The following EGFR variants were observed in gnomAD, a reference collection of about 807,000 sequenced individuals.
EGFR encodes avian erythroblastic leukemia viral (v-erb-b) oncogene homolog.
EGFR carries 58 observed loss-of-function variants against 143.0 expected under a neutral mutation model. The ratio of observed to expected loss-of-function variants is 0.41; its 90% CI spans 0.33 to 0.50. The LOEUF (loss-of-function observed/expected upper bound fraction) is 0.50, where lower values mean the gene tolerates loss of function less well. Ranked by LOEUF, EGFR falls within the 20% of genes least tolerant of loss-of-function variation. The pLI, the probability that EGFR is intolerant of heterozygous loss-of-function variation, is 0.39. For synonymous variants in EGFR, 613 were observed against 594.4 expected (o/e 1.03, Z -0.45); for missense variants, 1,307 against 1,579.0 (o/e 0.83, Z 2.92).
At chr7:55,170,925 C>A in intron 15 of EGFR, 1 of 1,420,340 alleles carries the variant, frequency 7.0e-7, no homozygotes, top group Non-Finnish European at 9.2e-7. Flanking sequence ...AACAAACTGG[C>A]TGCTTTGTTC....
At chr7:55,113,629 G>A (rs930741766) in intron 1 of EGFR, among the ~76,000 whole-genome samples, 2 of 152,216 alleles carry the variant, frequency 1.3e-5, no homozygotes, top group Non-Finnish European at 2.9e-5. Flanking sequence ...ATCTCAATTA[G>A]ATTCACTATT....
rs914167859 is a variant in EGFR, at chr7:55,155,962, G to A, written c.1006+16G>A. 3 of 1,593,444 alleles carry A rather than the reference G, an allele frequency of 1.9e-6. No homozygotes were observed. The African/African-American group carries it at 4.0e-5, about 21-fold the overall frequency. On this transcript the variant is annotated intron_variant, in intron 8 of 27. Transcript: ENST00000275493. ...TGCCGCAAAGGTAGGAAGCCCGCCG[G>A]TGTGCGGACGAGGCTTGTTCTCGGC...
intron 1 of EGFR, among the ~76,000 whole-genome samples, chr7:55,114,831 G>T (rs956056994): frequency 1.3e-5 from 2 of 150,294 alleles, no homozygotes; most frequent in African/African-American, 4.9e-5. Flanking sequence ...TTGAGAGAAG[G>T]ACATTGTGTA....
chr7:55,205,959 G>T lies in EGFR; in HGVS notation c.*342G>T, dbSNP rs1318242911. On this transcript the variant is annotated 3_prime_UTR_variant, in exon 28 of 28. Coordinates refer to ENST00000275493, the MANE Select transcript of EGFR (RefSeq NM_005228.5). Reference sequence around the variant, plus strand: ...ATTGGGGATCTTGGAGTTTTTCATTGTCGCTATTGATTTTTACTTCAATGG... The same window carrying T: ...ATTGGGGATCTTGGAGTTTTTCATTTTCGCTATTGATTTTTACTTCAATGG... 9.7e-6 allele frequency: 4 copies of T among 413,860 alleles called. No individual in the cohort carries two copies. In the Admixed American group the frequency reaches 1.3e-4, roughly 13 times the overall value. 25.6% of individuals were successfully genotyped at this position (413,860 alleles called of 1,614,324 possible).
chr7:55,084,007 G>A (rs1790619308), intron 1 of EGFR, among the ~76,000 whole-genome samples: 2 of 152,194 alleles, frequency 1.3e-5, no homozygotes, highest in South Asian at 2.1e-4. Flanking sequence ...CAGGGTCAAG[G>A]CCAAATCAGT....
At chr7:55,061,309 C>T (rs777457932) in intron 1 of EGFR, among the ~76,000 whole-genome samples, 24 of 152,314 alleles carry the variant, frequency 1.6e-4, no homozygotes, top group Middle Eastern at 3.4e-3. Flanking sequence ...GGCCCACCCA[C>T]GAGAAGGAAA....
At chr7:55,188,663 G>GCTCGGACCCTGCGACCTCTGCTC (rs1418652241) in intron 20 of EGFR, among the ~76,000 whole-genome samples, 1 of 152,146 alleles carries the variant, frequency 6.6e-6, no homozygotes, top group African/African-American at 2.4e-5. Flanking sequence ...CTCGGACCCT[G>GCTCGGACCCTGCGACCTCTGCTC]GGAGCTCACA....
chr7:55,030,440 A>G (rs1288659485), intron 1 of EGFR, among the ~76,000 whole-genome samples: 1 of 152,214 alleles, frequency 6.6e-6, no homozygotes, highest in African/African-American at 2.4e-5. Context: ...ATAACTGCCC[A>G]TTCCATAAGA....
intron 1 of EGFR, among the ~76,000 whole-genome samples, chr7:55,135,552 G>T (rs918080905): frequency 2.0e-5 from 3 of 152,030 alleles, no homozygotes; most frequent in African/African-American, 7.2e-5. Context: ...CATAAAATTT[G>T]CTTTGTGAAT....
At chr7:55,153,217 AG>A (rs932843424) in intron 6 of EGFR, among the ~76,000 whole-genome samples, 13 of 152,182 alleles carry the variant, frequency 8.5e-5, no homozygotes, top group Admixed American at 3.9e-4. Flanking sequence ...CCTGCCCTCA[AG>A]GGGTCCTGAA....
chr7:55,136,438 C>G lies in EGFR; in HGVS notation c.89-5848C>G, dbSNP rs556815991. On this transcript the variant is annotated intron_variant, in intron 1 of 27. Coordinates refer to ENST00000275493, the MANE Select transcript of EGFR (RefSeq NM_005228.5). Reference sequence around the variant, plus strand: ...CACGGAAACGAGAAAGGCAGAGAAACCCAGGACAAGTCATCCAAGACTTTG... The same window carrying G: ...CACGGAAACGAGAAAGGCAGAGAAAGCCAGGACAAGTCATCCAAGACTTTG... Among the ~76,000 whole-genome samples the G allele has an allele frequency of 2.0e-5, 3 of 152,322 alleles. No homozygotes were observed. In the East Asian group the frequency reaches 5.8e-4, roughly 29 times the overall value.
Position 55,160,140 on chromosome 7 carries a change from G to T in EGFR, c.1300G>T (p.Gly434Cys), listed in dbSNP as rs2128941274. Reference protein sequence around the residue: ...EIIRGRTKQHGQFSLAVVSLN... With the variant: ...EIIRGRTKQHCQFSLAVVSLN... ...TGATTTTTCTTCTCTCCAATGTAGT[G>T]GTCAGTTTTCTCTTGCAGTCGTCAG... The change falls in exon 12 of 28, where the codon GGT becomes TGT. Residue 434 changes from glycine (G) to cysteine (C), a missense_variant and splice_region_variant. By Grantham distance (159) the Gly-to-Cys change is radical. This residue lies in a region of EGFR where 250 missense variants were observed against 295.1 expected (regional missense o/e 0.85). Transcript: ENST00000275493. 6.2e-7 allele frequency: 1 copy of T among 1,614,000 alleles called. No homozygotes were observed. The highest frequency in any genetic ancestry group is 1.1e-5 in the South Asian group (1 of 91,054).
Position 55,128,997 on chromosome 7 carries a change from A to C in EGFR, c.89-13289A>C, listed in dbSNP as rs571362353. ...TTCATGCATGCATTCCAGTAATTCAACAATTTTTATTTATCTTTTTATTGC... is the reference window on the plus strand; with the variant it reads ...TTCATGCATGCATTCCAGTAATTCACCAATTTTTATTTATCTTTTTATTGC... On this transcript the variant is annotated intron_variant, in intron 1 of 27. Coordinates refer to ENST00000275493, the MANE Select transcript of EGFR (RefSeq NM_005228.5). Among the ~76,000 whole-genome samples, 3 of 152,378 alleles carry C rather than the reference A, an allele frequency of 2.0e-5. No homozygotes were observed. In the East Asian group the frequency reaches 5.8e-4, roughly 29 times the overall value.
intron 1 of EGFR, among the ~76,000 whole-genome samples, chr7:55,037,719 A>G (rs1426872761): frequency 6.6e-6 from 1 of 152,240 alleles, no homozygotes; most frequent in Non-Finnish European, 1.5e-5. Flanking sequence ...ATAGTTGAAG[A>G]GATGTAATTT....
rs2128927319 is a variant in EGFR at position 55,143,377 on chromosome 7, C to A, written c.313C>A (p.Gln105Lys). The change falls in exon 3 of 28, where the codon CAG (glutamine) becomes AAG (lysine). Residue 105 changes from glutamine (Q) to lysine (K), a missense_variant. Physicochemically the swap from Gln to Lys is moderately conservative, Grantham distance 53. Around this residue, in one of 7 missense-constraint regions of EGFR, gnomAD observed 311 missense variants for 412.3 expected, o/e 0.75. Transcript: ENST00000275493. ...TVERIPLENLQIIRGNMYYEN... is the reference protein window; with the variant it reads ...TVERIPLENLKIIRGNMYYEN... Reference sequence around the variant, plus strand: ...GGAGCGAATTCCTTTGGAAAACCTGCAGATCATCAGAGGAAATATGTACTA... The same window carrying A: ...GGAGCGAATTCCTTTGGAAAACCTGAAGATCATCAGAGGAAATATGTACTA... 6.2e-7 allele frequency: 1 copy of A among 1,614,192 alleles called. No individual in the cohort carries two copies. Among genetic ancestry groups the A allele is most frequent in the Non-Finnish European group, 8.5e-7 (1 of 1,180,046 alleles).
chr7:55,040,512 T>C (rs531452153), intron 1 of EGFR, among the ~76,000 whole-genome samples: 1 of 152,358 alleles, frequency 6.6e-6, no homozygotes, highest in South Asian at 2.1e-4. Flanking sequence ...CTCATTGCTG[T>C]ATTTTTATTT....
intron 12 of EGFR, 108 bp downstream of exon 12, chr7:55,160,446 C>T: frequency 1.7e-6 from 2 of 1,164,762 alleles, no homozygotes; most frequent in Non-Finnish European, 2.4e-6. Context: ...TTTTCAGTTC[C>T]TTAAGAAGCA....
At chr7:55,082,496 G>T (rs2128890545) in intron 1 of EGFR, among the ~76,000 whole-genome samples, 2 of 152,276 alleles carry the variant, frequency 1.3e-5, no homozygotes, top group South Asian at 4.1e-4. Flanking sequence ...AAAGGAGATT[G>T]CCTAGACACA....
intron 1 of EGFR, among the ~76,000 whole-genome samples, chr7:55,073,847 T>C (rs11487218): frequency 0.28 from 42,129 of 152,228 alleles, 6,461 homozygotes; most frequent in Non-Finnish European, 0.35. Flanking sequence ...TCTCAACATA[T>C]ATTTTTCTTC....
Sources: gnomAD v4.1 joint callset for allele counts (sites outside exome capture counted in the v4.1 genomes callset) on GRCh38, gnomAD v4.1.1 for gene constraint, gnomAD v4.1.1 regional missense constraint, MANE v1.5 for transcripts, NCBI Gene and HGNC (gene_info 2026-07-23, HGNC 2026-07-21) for gene names.